Variants in MALRD1 observed in about 807,000 individuals in gnomAD.
MALRD1 encodes the protein MAM and LDL-receptor class A domain-containing protein 1.
Under a neutral mutation model 242.1 loss-of-function variants are expected in MALRD1, and 247 were observed. The observed-to-expected ratio is 1.02, with a 90% CI of 0.92 to 1.13. The LOEUF is 1.13. Ranked by LOEUF, MALRD1 falls within the 50% of genes most tolerant of loss-of-function variation. The probability of loss-of-function intolerance (pLI) is 0.00; values close to 1 mark genes in which losing one functional copy is unlikely to be tolerated. For synonymous variants in MALRD1, 995 were observed against 866.6 expected (o/e 1.15, Z -2.60); for missense variants, 2,989 against 2,533.1 (o/e 1.18, Z -3.86).
Position 19,389,457 on chromosome 10 carries a change from T to G in MALRD1, c.4693T>G (p.Phe1565Val). The change falls in exon 28 of 40, where the codon TTC becomes GTC. Residue 1565 changes from phenylalanine to valine, a missense_variant. Coordinates refer to ENST00000454679, the MANE Select transcript of MALRD1 (RefSeq NM_001142308.3). The stretch of plus-strand genomic sequence containing the variant: ...AATTCTGTCCTTGTTCCTAGGGCAC[T>G]TCATGTATCTGGAAGCTACTGCAGT... The part of the protein sequence containing the change: ...DHTLGNENGH[F>V]MYLEATAVGL... 6 of 1,550,290 alleles carry G rather than the reference T, an allele frequency of 3.9e-6. No individual in the cohort carries two copies. The highest frequency in any genetic ancestry group is 5.2e-6 in the Non-Finnish European group (6 of 1,146,836).
chr10:19,606,101 G>T (rs1291120606), intron 34 of MALRD1, among the ~76,000 whole-genome samples: 3 of 151,824 alleles, frequency 2.0e-5, no homozygotes, highest in Admixed American at 1.3e-4. Flanking sequence ...GCCATTTTCA[G>T]AGTTAATTGT....
chr10:19,216,853 G>T (rs948081959), intron 18 of MALRD1, among the ~76,000 whole-genome samples: 31 of 151,908 alleles, frequency 2.0e-4, no homozygotes, highest in African/African-American at 6.8e-4. Flanking sequence ...GGCTGAGGCA[G>T]GAGAATAGTG....
At chr10:19,648,148 G>T (rs1840727473) in intron 36 of MALRD1, among the ~76,000 whole-genome samples, 1 of 152,194 alleles carries the variant, frequency 6.6e-6, no homozygotes, top group African/African-American at 2.4e-5. Flanking sequence ...TTACCAGAGA[G>T]AAACTGCTGT....
At position 19,499,729 on chromosome 10, in the gene MALRD1, A is replaced by G. The variant is rs182653381; in HGVS notation, c.5320+1083A>G. Reference sequence around the variant, plus strand: ...GCACAGTAAAAAAGAACGAGATTACATGGAATTTAAGTAACTTTCAAAAGA... The same window carrying G: ...GCACAGTAAAAAAGAACGAGATTACGTGGAATTTAAGTAACTTTCAAAAGA... On this transcript the variant is annotated intron_variant, in intron 31 of 39. Coordinates refer to ENST00000454679, the MANE Select transcript of MALRD1 (RefSeq NM_001142308.3). Among the ~76,000 whole-genome samples the G allele has an allele frequency of 1.2e-4, 18 of 152,364 alleles. No homozygotes were observed. The East Asian group carries it at 2.9e-3, about 24-fold the overall frequency.
chr10:19,602,876 A>C (rs1255552182), intron 34 of MALRD1, among the ~76,000 whole-genome samples: 1 of 152,050 alleles, frequency 6.6e-6, no homozygotes. Context: ...TGACTTTTTA[A>C]TGATCGCCAT....
chr10:19,122,432 A>G (rs146773463), intron 5 of MALRD1, among the ~76,000 whole-genome samples: 8 of 152,274 alleles, frequency 5.3e-5, no homozygotes, highest in Admixed American at 2.6e-4. Flanking sequence ...GAAGAGATCA[A>G]GAAACTGAGA....
intron 32 of MALRD1, among the ~76,000 whole-genome samples, chr10:19,536,497 T>G (rs12252209): frequency 0.21 from 31,600 of 151,898 alleles, 6,841 homozygotes; most frequent in African/African-American, 0.56. Context: ...TATGGTAGGT[T>G]GCGTCATAAT....
intron 13 of MALRD1, among the ~76,000 whole-genome samples, chr10:19,171,525 TAC>T (rs549744531): frequency 0.01 from 1,443 of 141,958 alleles, 50 homozygotes; most frequent in Non-Finnish European, 0.015. Context: ...TGTATATAAA[TAC>T]ACACACACAT....
intron 4 of MALRD1, among the ~76,000 whole-genome samples, chr10:19,101,139 T>G (rs1209825644): frequency 1.3e-5 from 2 of 151,384 alleles, no homozygotes; most frequent in African/African-American, 4.8e-5. Flanking sequence ...ATCATTACAT[T>G]GTACAAAGAA....
chr10:19,184,211 G>A (rs1234700795), intron 14 of MALRD1, among the ~76,000 whole-genome samples: 1 of 152,136 alleles, frequency 6.6e-6, no homozygotes, highest in Non-Finnish European at 1.5e-5. Context: ...CAAATACTCT[G>A]TATGTTTTCA....
chr10:19,413,749 C>T (rs948401205), intron 28 of MALRD1, among the ~76,000 whole-genome samples: 7 of 151,610 alleles, frequency 4.6e-5, no homozygotes, highest in African/African-American at 9.7e-5. Context: ...TTTGGGAGGC[C>T]GAGGCGAGTG....
At chr10:19,601,425 T>C (rs1838336649) in intron 34 of MALRD1, among the ~76,000 whole-genome samples, 2 of 151,968 alleles carry the variant, frequency 1.3e-5, no homozygotes, top group African/African-American at 4.8e-5. Context: ...TGGATGCCAA[T>C]AAATATTAGA....
At chr10:19,730,481 C>T (rs1326552022) in intron 38 of MALRD1, 1 of 579,682 alleles carries the variant, frequency 1.7e-6, no homozygotes, top group Non-Finnish European at 3.1e-6. Context: ...TGGATCTAAA[C>T]ACTCAGAGTT....
chr10:19,252,779 C>A (rs1269524838), intron 18 of MALRD1, among the ~76,000 whole-genome samples: 1 of 151,942 alleles, frequency 6.6e-6, no homozygotes, highest in African/African-American at 2.4e-5. Context: ...TCCAATTATT[C>A]TGCAGCTTTG....
chr10:19,334,122 T>TTG (rs1843504469), intron 24 of MALRD1, among the ~76,000 whole-genome samples: 3 of 129,740 alleles, frequency 2.3e-5, no homozygotes, highest in East Asian at 2.0e-4. Flanking sequence ...TTGGTAGGTT[T>TTG]TTTTTTTTTT....
chr10:19,197,477 A>G (rs937507148), intron 14 of MALRD1, among the ~76,000 whole-genome samples: 2 of 152,100 alleles, frequency 1.3e-5, no homozygotes, highest in Non-Finnish European at 2.9e-5. Context: ...GTCTAATATA[A>G]TATCTTCTTA....
At chr10:19,271,411 C>G (rs1256587860) in intron 19 of MALRD1, among the ~76,000 whole-genome samples, 1 of 152,154 alleles carries the variant, frequency 6.6e-6, no homozygotes. Context: ...AACCCAAATA[C>G]CATTTTATTT....
At chr10:19,686,514 T>C (rs1306730601) in intron 36 of MALRD1, among the ~76,000 whole-genome samples, 1 of 152,208 alleles carries the variant, frequency 6.6e-6, no homozygotes, top group African/African-American at 2.4e-5. Context: ...GCTCAACTCC[T>C]GAGATCTTAT....
At chr10:19,080,934 C>T (rs532971436) in intron 2 of MALRD1, among the ~76,000 whole-genome samples, 1 of 151,924 alleles carries the variant, frequency 6.6e-6, no homozygotes, top group South Asian at 2.1e-4. Context: ...AACAAACAAC[C>T]CCATTAAAAA....
Sources: allele counts gnomAD v4.1 joint callset (sites outside exome capture counted in the v4.1 genomes callset), GRCh38; gene constraint gnomAD v4.1.1; transcripts MANE v1.5; gene names NCBI Gene and HGNC (gene_info 2026-07-23, HGNC 2026-07-21).